Variants in ABCB11 observed in about 807,000 individuals in gnomAD.
ABCB11 encodes the protein ATP binding cassette subfamily B member 11, also known as bile salt export pump.
In ABCB11, 95 loss-of-function variants were observed where a neutral mutation model predicts 148.0. That is an observed-to-expected ratio of 0.64 (90% CI 0.54 to 0.76). The LOEUF is 0.76. ABCB11 is among the 30% of genes least tolerant of loss of function. ABCB11 has a pLI of 0.00. For synonymous variants in ABCB11, 591 were observed against 555.4 expected, an observed-to-expected ratio of 1.06 and a Z score of -0.90; for missense variants, 1,523 against 1,617.8, an observed-to-expected ratio of 0.94 and a Z score of 1.01.
At chr2:169,025,990 G>C (rs1216808208) in intron 1 of ABCB11, among the ~76,000 whole-genome samples, 2 of 152,202 alleles carry the variant, frequency 1.3e-5, no homozygotes, top group East Asian at 1.9e-4. Flanking sequence ...CTGTTAAAAA[G>C]CTGGGACTAT....
chr2:168,920,390 T>A (rs199507353), downstream of ABCB11, among the ~76,000 whole-genome samples: 53 of 151,838 alleles, frequency 3.5e-4, 1 homozygote, highest in Admixed American at 1.0e-3. Flanking sequence ...TTTATTTTTT[T>A]AAATAAACTC....
intron 7 of ABCB11, among the ~76,000 whole-genome samples, chr2:168,994,481 A>G (rs1382392278): frequency 6.6e-6 from 1 of 152,066 alleles, no homozygotes; most frequent in Admixed American, 6.6e-5. Context: ...TTGTGGCTCA[A>G]TTTTCTTGTC....
At chr2:168,950,010 T>C (rs745600572) in intron 19 of ABCB11, among the ~76,000 whole-genome samples, 3 of 151,400 alleles carry the variant, frequency 2.0e-5, no homozygotes, top group Non-Finnish European at 4.4e-5. Context: ...AGACTCAGAC[T>C]GGCCTTCCTT....
At chr2:168,928,081 G>T (rs574482306) in intron 25 of ABCB11, among the ~76,000 whole-genome samples, 1 of 152,044 alleles carries the variant, frequency 6.6e-6, no homozygotes, top group Non-Finnish European at 1.5e-5. Context: ...TAAAGTATTT[G>T]GCCCTATTAT....
intron 13 of ABCB11, among the ~76,000 whole-genome samples, chr2:168,973,246 T>A (rs1195260206): frequency 6.6e-6 from 1 of 151,974 alleles, no homozygotes; most frequent in East Asian, 1.9e-4. Flanking sequence ...AAATGTGTCC[T>A]TAGGTGGTTT....
chr2:169,006,753 A>G lies in ABCB11; in HGVS notation c.389+6519T>C, dbSNP rs139843787. Reference sequence around the variant, plus strand: ...TATACAAAAAAAGTTGTATTTTGCGATAGTAGCAATGGGCAAACTGAAAAT... The same window carrying G: ...TATACAAAAAAAGTTGTATTTTGCGGTAGTAGCAATGGGCAAACTGAAAAT... On this transcript the variant is annotated intron_variant, in intron 5 of 27. Transcript: ENST00000650372. 5.9e-5 allele frequency among the ~76,000 whole-genome samples: 9 copies of G among 152,288 alleles called. No homozygotes were observed. The East Asian group carries it at 1.7e-3, about 29-fold the overall frequency.
chr2:168,986,080 G>C, intron 10 of ABCB11, 30 bp downstream of exon 10: 1 of 1,486,014 alleles, frequency 6.7e-7, no homozygotes, highest in African/African-American at 1.4e-5. Flanking sequence ...AGAAGGAAAT[G>C]CTATGTCTCG....
At chr2:168,932,967 G>A (rs1004275465) in intron 23 of ABCB11, among the ~76,000 whole-genome samples, 1 of 151,998 alleles carries the variant, frequency 6.6e-6, no homozygotes, top group Non-Finnish European at 1.5e-5. Flanking sequence ...AAATTAGCTG[G>A]GCGTGGTGGT....
intron 27 of ABCB11, 125 bp downstream of exon 27, chr2:168,924,532 A>T: frequency 1.1e-6 from 1 of 878,692 alleles, no homozygotes; most frequent in Non-Finnish European, 1.7e-6. Flanking sequence ...TGGTTCCACA[A>T]AGTATTGCCA....
At chr2:168,987,583 C>T (rs1267611336) in intron 9 of ABCB11, among the ~76,000 whole-genome samples, 1 of 152,112 alleles carries the variant, frequency 6.6e-6, no homozygotes, top group Non-Finnish European at 1.5e-5. Context: ...GTGTACACCA[C>T]CATGTCTGGT....
chr2:169,018,066 A>T lies in ABCB11; in HGVS notation c.60T>A (p.Phe20Leu). The T allele has an allele frequency of 1.9e-6, 3 of 1,613,516 alleles. No individual in the cohort carries two copies. The highest frequency in any genetic ancestry group is 2.5e-6 in the Non-Finnish European group (3 of 1,179,548). The change falls in exon 2 of 28, where the codon TTT becomes TTA. Residue 20 changes from phenylalanine to leucine, a missense_variant. Phe to Leu is a conservative substitution (Grantham distance 22). Transcript: ENST00000650372. ...IKKFGEENDGFESDKSYNNDK... is the reference protein window; with the variant it reads ...IKKFGEENDGLESDKSYNNDK... ...GCCACTCACATGATTTATCTGACTC[A>T]AAACCATCATTCTCCTCTCCAAATT...
intron 11 of ABCB11, among the ~76,000 whole-genome samples, chr2:168,979,055 G>A (rs559627189): frequency 1.9e-4 from 29 of 152,226 alleles, no homozygotes; most frequent in Admixed American, 3.3e-4. Context: ...TTGGCCTCCA[G>A]TGTGCTTCCA....
downstream of ABCB11, among the ~76,000 whole-genome samples, chr2:168,915,833 C>T (rs1352296518): frequency 6.6e-6 from 1 of 152,076 alleles, no homozygotes; most frequent in Admixed American, 6.5e-5. Flanking sequence ...GCAAGGGAGT[C>T]TAGGAAGGTA....
chr2:168,951,470 T>A (rs1340690891), intron 19 of ABCB11, among the ~76,000 whole-genome samples: 2 of 151,672 alleles, frequency 1.3e-5, no homozygotes, highest in Admixed American at 1.3e-4. Context: ...ATCTTTCACC[T>A]CTTTGCTTAA....
At chr2:168,930,478 A>G (rs540150922) in intron 25 of ABCB11, among the ~76,000 whole-genome samples, 187 bp downstream of exon 25, 2 of 152,346 alleles carry the variant, frequency 1.3e-5, no homozygotes, top group South Asian at 4.1e-4. Flanking sequence ...GGAAAATCTG[A>G]CATTAGAAAT....
chr2:168,950,254 C>T (rs539592345), intron 19 of ABCB11, among the ~76,000 whole-genome samples: 2 of 150,082 alleles, frequency 1.3e-5, no homozygotes, highest in South Asian at 2.1e-4. Flanking sequence ...GGATATATAT[C>T]CTATTAGTTC....
Position 168,943,975 on chromosome 2 carries a change from T to G in ABCB11, c.2610+630A>C, listed in dbSNP as rs550954074. Among the ~76,000 whole-genome samples the G allele has an allele frequency of 1.4e-4, 21 of 152,140 alleles. No individual in the cohort carries two copies. The South Asian group carries it at 4.1e-3, about 30-fold the overall frequency. On this transcript the variant is annotated intron_variant, in intron 21 of 27. Transcript: ENST00000650372. The stretch of plus-strand genomic sequence containing the variant: ...TGGGTAGAGATGTTGGAAGGGCAAT[T>G]TGGCTCTCTTCACTTTAATCCAAAC...
rs1033700464 is a variant in ABCB11, at chr2:168,945,680, G to A, written c.2344-719C>T. Among the ~76,000 whole-genome samples the A allele has an allele frequency of 2.0e-5, 3 of 150,382 alleles. No individual in the cohort carries two copies. In the South Asian group the frequency reaches 6.3e-4, roughly 31 times the overall value. ...AAAAGGGAAGGAAGGGAGGGAGGGA[G>A]GGAATCGAGATCTGGAAATGTTGTC... is the stretch of plus-strand genomic sequence containing the variant. On this transcript the variant is annotated intron_variant, in intron 19 of 27. Transcript: ENST00000650372.
intron 27 of ABCB11, 105 bp downstream of exon 27, chr2:168,924,552 G>C (rs1239417260): frequency 2.6e-6 from 3 of 1,172,198 alleles, no homozygotes; most frequent in Non-Finnish European, 2.4e-6. Context: ...AATTTCTACT[G>C]TTAACGAATC....
Sources: gnomAD v4.1 joint callset for allele counts (sites outside exome capture counted in the v4.1 genomes callset) on GRCh38, gnomAD v4.1.1 for gene constraint, MANE v1.5 for transcripts, NCBI Gene and HGNC (gene_info 2026-07-23, HGNC 2026-07-21) for gene names.